The following FREM2 variants were observed in gnomAD, a reference collection of about 807,000 sequenced individuals.
FREM2 encodes the protein FRAS1 related extracellular matrix 2, also known as FRAS1-related extracellular matrix protein 2.
FREM2 carries 119 observed loss-of-function variants against 219.9 expected under a neutral mutation model. The observed-to-expected ratio is 0.54, with a 90% confidence interval of 0.47 to 0.63. The LOEUF is 0.63. Among genes scored for constraint, FREM2 ranks in the 30% least tolerant of loss-of-function variants. The probability of loss-of-function intolerance (pLI) is 0.00; values close to 1 mark genes in which losing one functional copy is unlikely to be tolerated. For missense variants in FREM2, 4,030 were observed against 3,993.6 expected (o/e 1.01, Z -0.25); for synonymous variants, 1,562 against 1,522.8 (o/e 1.03, Z -0.60).
At chr13:38,864,649 A>G (rs763541602) in intron 16 of FREM2, 43 bp downstream of exon 16, 32 of 1,554,300 alleles carry the variant, frequency 2.1e-5, no homozygotes, top group African/African-American at 5.4e-5. Context: ...GGATAAACCA[A>G]TTGGTTTGTT....
intron 6 of FREM2, among the ~76,000 whole-genome samples, chr13:38,830,483 G>C (rs1876465214): frequency 6.6e-6 from 1 of 152,154 alleles, no homozygotes; most frequent in African/African-American, 2.4e-5. Flanking sequence ...GTCTAACTCT[G>C]CTTCAGTCCA....
chr13:38,691,353 A>G lies in FREM2; in HGVS notation c.4009A>G (p.Lys1337Glu). 1 of 1,614,008 alleles carries G rather than the reference A, an allele frequency of 6.2e-7. No individual in the cohort carries two copies. The highest frequency in any genetic ancestry group is 8.5e-7 in the Non-Finnish European group (1 of 1,179,884). The change falls in exon 1 of 24, where the codon AAA (lysine) becomes GAA (glutamate). Residue 1337 changes from lysine (K) to glutamate (E), a missense_variant. By Grantham distance (56) the Lys-to-Glu change is moderately conservative. Around this residue, in one of 2 missense-constraint regions of FREM2, gnomAD observed 3,102 missense variants for 2,950.7 expected, o/e 1.05. Transcript: ENST00000280481. Reference sequence around the variant, plus strand: ...GGCAACAGATTTAGATTCAGAAGACAAATCTTTGGTTTATATTATTCGTTA... The same window carrying G: ...GGCAACAGATTTAGATTCAGAAGACGAATCTTTGGTTTATATTATTCGTTA... ...LMATDLDSED[K>E]SLVYIIRYGP...
chr13:38,753,145 A>G (rs1342282371), intron 2 of FREM2, among the ~76,000 whole-genome samples: 1 of 152,088 alleles, frequency 6.6e-6, no homozygotes, highest in African/African-American at 2.4e-5. Flanking sequence ...TAAAGCAGTT[A>G]TTTTTTCTAT....
intron 6 of FREM2, among the ~76,000 whole-genome samples, chr13:38,818,374 A>G (rs1438912268): frequency 6.6e-6 from 1 of 152,114 alleles, no homozygotes; most frequent in Non-Finnish European, 1.5e-5. Context: ...AAATCCTATC[A>G]TTTGAGACAA....
intron 6 of FREM2, among the ~76,000 whole-genome samples, chr13:38,803,416 G>A (rs1405676009): frequency 2.0e-5 from 3 of 152,016 alleles, no homozygotes; most frequent in Middle Eastern, 3.2e-3. Context: ...TTTAAGACAC[G>A]GCTAAAATTT....
rs767767229 is a variant in FREM2, at chr13:38,688,337, C to G, written c.993C>G (p.Asp331Glu). The G allele has an allele frequency of 1.2e-5, 19 of 1,614,204 alleles. No homozygotes were observed. Among genetic ancestry groups the G allele is most frequent in the Non-Finnish European group, 1.4e-5 (17 of 1,180,028 alleles). ...TGGCCATGATGATGATGGAGGTGGA[C>G]CAGTTTGTACTGACGGCCCTGACCC... ...SFVAMMMMEV[D>E]QFVLTALTPD... The change falls in exon 1 of 24, where the codon GAC (aspartate) becomes GAG (glutamate). Residue 331 changes from aspartate (D) to glutamate (E), a missense_variant. Transcript: ENST00000280481.
rs375802287 is a variant in FREM2, at chr13:38,805,452, T to C, written c.6019+20644T>C. Among the ~76,000 whole-genome samples, 9 of 151,950 alleles carry C rather than the reference T, an allele frequency of 5.9e-5. No individual in the cohort carries two copies. In the South Asian group the frequency reaches 1.9e-3, roughly 32 times the overall value. ...CTAGGGAAAGAAAGATGGAAGAAGA[T>C]GAGACTCTATTTAAACATACTAAGA... On this transcript the variant is annotated intron_variant, in intron 6 of 23. Coordinates refer to ENST00000280481, the MANE Select transcript of FREM2 (RefSeq NM_207361.6).
chr13:38,857,531 T>C (rs1877605351), intron 12 of FREM2, among the ~76,000 whole-genome samples: 1 of 152,082 alleles, frequency 6.6e-6, no homozygotes, highest in Non-Finnish European at 1.5e-5. Context: ...GACTCCTTCA[T>C]AAAATTTCCC....
chr13:38,864,029 A>C (rs1877859582), intron 15 of FREM2, among the ~76,000 whole-genome samples: 1 of 151,818 alleles, frequency 6.6e-6, no homozygotes, highest in African/African-American at 2.4e-5. Flanking sequence ...GGGTTTCATC[A>C]TGTTGGCCAG....
At chr13:38,717,582 A>G (rs1871061601) in intron 2 of FREM2, among the ~76,000 whole-genome samples, 2 of 151,702 alleles carry the variant, frequency 1.3e-5, no homozygotes, top group African/African-American at 4.8e-5. Flanking sequence ...ATGCCCAGCT[A>G]ATTTTTGTAT....
chr13:38,877,990 T>G (rs1276718242), intron 21 of FREM2, 144 bp from the exon 22 acceptor site: 2 of 729,966 alleles, frequency 2.7e-6, no homozygotes, highest in Non-Finnish European at 4.7e-6. Flanking sequence ...TTGAAGCTCA[T>G]GCAAACAGGC....
At chr13:38,700,476 A>T (rs1870299688) in intron 2 of FREM2, among the ~76,000 whole-genome samples, 1 of 152,082 alleles carries the variant, frequency 6.6e-6, no homozygotes. Flanking sequence ...TGGTTGATAT[A>T]GCACATGTCC....
At chr13:38,719,856 C>T (rs929545189) in intron 2 of FREM2, among the ~76,000 whole-genome samples, 3 of 152,130 alleles carry the variant, frequency 2.0e-5, no homozygotes, top group African/African-American at 7.2e-5. Context: ...GACAGGTTCT[C>T]CTATGCAAAA....
In FREM2 at chr13:38,783,161, C is replaced by G. The variant is rs746150535; in HGVS notation, c.5733C>G (p.Ser1911Arg). The part of the protein sequence containing the change: ...FIPIRRSGDV[S>R]QELMVVCYTQ... ...CCATCAGGAGGAGCGGAGATGTGAG[C>G]CAGGAGTTGATGGTGGTCTGTTATA... is the stretch of plus-strand genomic sequence containing the variant. Residue 1911 changes from serine (S) to arginine (R), a missense_variant, in exon 5 of 24, where the codon AGC (serine) becomes AGG (arginine). Around this residue, in one of 2 missense-constraint regions of FREM2, gnomAD observed 3,102 missense variants for 2,950.7 expected, o/e 1.05. Coordinates refer to ENST00000280481, the MANE Select transcript of FREM2 (RefSeq NM_207361.6). The G allele has an allele frequency of 1.9e-6, 3 of 1,613,916 alleles. No individual in the cohort carries two copies. In the South Asian group the frequency reaches 3.3e-5, roughly 18 times the overall value.
Position 38,882,883 on chromosome 13 carries a change from C to T in FREM2, c.*2096C>T, listed in dbSNP as rs1449495906. 1.3e-5 allele frequency: 2 copies of T among 152,198 alleles called. No homozygotes were observed. The highest frequency in any genetic ancestry group is 2.9e-5 in the Non-Finnish European group (2 of 67,994). 9.4% of individuals were successfully genotyped at this position (152,198 alleles called of 1,614,324 possible). The stretch of plus-strand genomic sequence containing the variant: ...TGATATTTTAGTAGTTAACAGCTTC[C>T]GAGCCTATCATGCAATTTGGAGTCT... On this transcript the variant is annotated 3_prime_UTR_variant, in exon 24 of 24. Transcript: ENST00000280481.
At chr13:38,763,586 C>T (rs1873322083) in intron 2 of FREM2, among the ~76,000 whole-genome samples, 1 of 114,662 alleles carries the variant, frequency 8.7e-6, no homozygotes, top group Non-Finnish European at 1.9e-5. Context: ...GGGATGCGTG[C>T]AGAGTGATCA....
intron 2 of FREM2, among the ~76,000 whole-genome samples, chr13:38,753,055 C>T (rs931783877): frequency 1.3e-5 from 2 of 152,116 alleles, no homozygotes; most frequent in Non-Finnish European, 2.9e-5. Flanking sequence ...TCTTGCTGCA[C>T]CAGGTGTTTT....
intron 6 of FREM2, among the ~76,000 whole-genome samples, chr13:38,788,023 G>C (rs574996694): frequency 6.6e-6 from 1 of 152,090 alleles, no homozygotes; most frequent in South Asian, 2.1e-4. Flanking sequence ...GAAAAGGACA[G>C]TACTGAAAAG....
intron 6 of FREM2, among the ~76,000 whole-genome samples, chr13:38,817,832 A>G (rs1875829196): frequency 6.6e-6 from 1 of 152,168 alleles, no homozygotes; most frequent in South Asian, 2.1e-4. Context: ...AATATCTAGA[A>G]TATATAAGGG....
Sources: allele counts gnomAD v4.1 joint callset (sites outside exome capture counted in the v4.1 genomes callset), GRCh38; gene constraint gnomAD v4.1.1; regional missense constraint gnomAD v4.1.1; transcripts MANE v1.5; gene names NCBI Gene and HGNC (gene_info 2026-07-23, HGNC 2026-07-21).